Variants in CSMD1 observed in about 807,000 individuals in gnomAD.
The protein encoded by CSMD1 is CUB and sushi domain-containing protein 1.
CSMD1 carries 213 observed loss-of-function variants against 417.5 expected under a neutral mutation model. The ratio of observed to expected loss-of-function variants is 0.51; its 90% CI spans 0.46 to 0.57. The LOEUF is 0.57. CSMD1 is among the 20% of genes least tolerant of loss of function. CSMD1 has a pLI of 0.00. For missense variants in CSMD1, 6,923 were observed against 4,529.7 expected, an observed-to-expected ratio of 1.53 and a Z score of -15.17; for synonymous variants, 2,862 against 1,736.8, an observed-to-expected ratio of 1.65 and a Z score of -16.11.
At chr8:4,303,754 C>T (rs958979050) in intron 3 of CSMD1, among the ~76,000 whole-genome samples, 6 of 152,036 alleles carry the variant, frequency 3.9e-5, no homozygotes, top group Non-Finnish European at 5.9e-5. Flanking sequence ...CTCCTGGTTT[C>T]AAGCGATTCT....
intron 37 of CSMD1, among the ~76,000 whole-genome samples, chr8:3,173,835 T>A (rs1444617): frequency 6.6e-6 from 1 of 152,194 alleles, no homozygotes; most frequent in East Asian, 1.9e-4. Flanking sequence ...TTAAAGCATG[T>A]ATTAATAATT....
chr8:4,573,422 C>A (rs1357738051), intron 2 of CSMD1, among the ~76,000 whole-genome samples: 2 of 152,148 alleles, frequency 1.3e-5, no homozygotes, highest in Admixed American at 1.3e-4. Flanking sequence ...CCACTCCAGA[C>A]CCTCTTTCCT....
At position 3,564,517 on chromosome 8, in the gene CSMD1, TTGTGTGTG is replaced by T. The variant is rs34665230; in HGVS notation, c.1344+10420_1344+10427del. ...TAGAAATGCTGGCTCCACAGTATAT[TTGTGTGTG>T]TGTGTGTGTGTGTGTGTGTGTGTGT... On this transcript the variant is annotated intron_variant, in intron 10 of 69. Coordinates refer to ENST00000635120, the MANE Select transcript of CSMD1 (RefSeq NM_033225.6). Among the ~76,000 whole-genome samples the T allele has an allele frequency of 1.4e-4, 20 of 145,494 alleles. No individual in the cohort carries two copies. The South Asian group carries it at 1.5e-3, about 11-fold the overall frequency.
At chr8:3,307,616 G>T (rs916903878) in intron 25 of CSMD1, 79 bp downstream of exon 25, 6 of 1,405,308 alleles carry the variant, frequency 4.3e-6, no homozygotes, top group Non-Finnish European at 5.9e-6. Flanking sequence ...ATGGATATTT[G>T]GTGTACCACT....
intron 2 of CSMD1, among the ~76,000 whole-genome samples, chr8:4,575,420 C>T (rs538846646): frequency 6.6e-6 from 1 of 152,074 alleles, no homozygotes; most frequent in South Asian, 2.1e-4. Flanking sequence ...AGAACCATTT[C>T]CACTACATAT....
chr8:4,110,686 T>C (rs959941963), intron 3 of CSMD1, among the ~76,000 whole-genome samples: 7 of 152,030 alleles, frequency 4.6e-5, no homozygotes, highest in Non-Finnish European at 8.8e-5. Context: ...AAGAAAATGT[T>C]TTGCTGCTTA....
At chr8:3,566,038 C>A (rs1799690687) in intron 10 of CSMD1, among the ~76,000 whole-genome samples, 1 of 152,124 alleles carries the variant, frequency 6.6e-6, no homozygotes, top group African/African-American at 2.4e-5. Context: ...AACTCTTTGC[C>A]TGTCATACGG....
intron 51 of CSMD1, among the ~76,000 whole-genome samples, chr8:3,019,774 C>T (rs568517847): frequency 6.9e-4 from 105 of 152,316 alleles, no homozygotes; most frequent in Non-Finnish European, 1.1e-3. Flanking sequence ...TCTTACTACA[C>T]CACTGAAATC....
chr8:3,968,192 A>ATAG (rs1812820641), intron 5 of CSMD1, among the ~76,000 whole-genome samples: 1 of 113,576 alleles, frequency 8.8e-6, no homozygotes, highest in Admixed American at 8.3e-5. Flanking sequence ...GTCTCAAATA[A>ATAG]TAATAATAAT....
chr8:3,273,814 C>G (rs1228847166), intron 26 of CSMD1, among the ~76,000 whole-genome samples: 1 of 151,754 alleles, frequency 6.6e-6, no homozygotes, highest in Non-Finnish European at 1.5e-5. Context: ...TATTTGATTC[C>G]TCTCTGTTTT....
intron 10 of CSMD1, among the ~76,000 whole-genome samples, chr8:3,516,123 G>C (rs760800055): frequency 2.0e-5 from 3 of 152,088 alleles, no homozygotes; most frequent in Non-Finnish European, 4.4e-5. Flanking sequence ...AGAAAGAGGA[G>C]GAACAGAATG....
intron 12 of CSMD1, among the ~76,000 whole-genome samples, chr8:3,423,789 T>C (rs1190745718): frequency 2.0e-5 from 3 of 152,212 alleles, no homozygotes; most frequent in African/African-American, 7.2e-5. Flanking sequence ...AGGCACATAC[T>C]TTTTGGTGAA....
At chr8:3,345,441 T>C (rs1344940016) in intron 22 of CSMD1, among the ~76,000 whole-genome samples, 1 of 151,924 alleles carries the variant, frequency 6.6e-6, no homozygotes, top group African/African-American at 2.4e-5. Context: ...AACACTCCCC[T>C]GTCAGTTCTC....
intron 3 of CSMD1, among the ~76,000 whole-genome samples, chr8:4,135,562 T>G (rs1300560484): frequency 6.6e-6 from 1 of 152,124 alleles, no homozygotes; most frequent in East Asian, 1.9e-4. Flanking sequence ...AAATATTAAA[T>G]AAGAAGAAAT....
chr8:4,757,842 C>T (rs1214600870), intron 1 of CSMD1, among the ~76,000 whole-genome samples: 2 of 151,406 alleles, frequency 1.3e-5, no homozygotes, highest in Admixed American at 6.6e-5. Context: ...ACCTGTAATC[C>T]CAGCTACTGG....
At chr8:4,246,292 G>A (rs962775395) in intron 3 of CSMD1, among the ~76,000 whole-genome samples, 3 of 152,022 alleles carry the variant, frequency 2.0e-5, no homozygotes, top group East Asian at 1.9e-4. Flanking sequence ...TCTGTTCCTG[G>A]GTTAGTTTGC....
intron 1 of CSMD1, among the ~76,000 whole-genome samples, chr8:4,737,925 G>A (rs948026749): frequency 6.6e-6 from 1 of 152,168 alleles, no homozygotes; most frequent in Admixed American, 6.5e-5. Context: ...TTGAAGGAAA[G>A]GCGAGAAAGT....
chr8:3,646,631 C>T (rs908975344), intron 7 of CSMD1, among the ~76,000 whole-genome samples: 3 of 152,200 alleles, frequency 2.0e-5, no homozygotes, highest in Non-Finnish European at 4.4e-5. Flanking sequence ...GAGTAACTTT[C>T]TTGGTTCCTG....
At chr8:3,987,315 T>G in intron 5 of CSMD1, among the ~76,000 whole-genome samples, 1 of 152,336 alleles carries the variant, frequency 6.6e-6, no homozygotes. Flanking sequence ...GAGCAGTGCT[T>G]TCTTTCTCCT....
Sources: allele counts gnomAD v4.1 joint callset (sites outside exome capture counted in the v4.1 genomes callset), GRCh38; gene constraint gnomAD v4.1.1; transcripts MANE v1.5; gene names NCBI Gene and HGNC (gene_info 2026-07-23, HGNC 2026-07-21).